The following CRNKL1 variants were observed in gnomAD, a reference collection of about 807,000 sequenced individuals.
CRNKL1 encodes crooked neck-like protein 1.
A neutral mutation model predicts 103.7 loss-of-function variants in CRNKL1; 35 were observed. The ratio of observed to expected loss-of-function variants is 0.34; its 90% CI spans 0.26 to 0.45. The LOEUF (loss-of-function observed/expected upper bound fraction) is 0.45, where lower values mean the gene tolerates loss of function less well. CRNKL1 is among the 20% of genes least tolerant of loss of function. The pLI is 1.00. For missense variants in CRNKL1, 645 were observed against 836.0 expected (o/e 0.77, Z 2.82); for synonymous variants, 267 against 282.6 (o/e 0.94, Z 0.55).
At chr20:20,051,357 T>G (rs1280069114) in intron 1 of CRNKL1, among the ~76,000 whole-genome samples, 1 of 152,246 alleles carries the variant, frequency 6.6e-6, no homozygotes, top group African/African-American at 2.4e-5. Flanking sequence ...TAATTTCACT[T>G]TTTTGCTTTG....
At chr20:20,056,020 A>C, upstream of CRNKL1, 1 of 1,602,102 alleles carries the variant, frequency 6.2e-7, no homozygotes, top group Non-Finnish European at 8.5e-7. Context: ...GTCATTAGAG[A>C]TTCTCTTCCC....
At chr20:20,050,421 C>G in intron 2 of CRNKL1, 49 bp downstream of exon 2, 1 of 1,551,600 alleles carries the variant, frequency 6.4e-7, no homozygotes, top group Non-Finnish European at 8.8e-7. Context: ...TCAAACTGAC[C>G]GATACAGTCT....
At position 20,038,380 on chromosome 20, in the gene CRNKL1, C is replaced by T. The variant is rs1238536285; in HGVS notation, c.1616G>A (p.Arg539Gln). 6.4e-6 allele frequency: 10 copies of T among 1,552,220 alleles called. No individual in the cohort carries two copies. The highest frequency in any genetic ancestry group is 1.4e-5 in the African/African-American group (1 of 73,072). Residue 539 changes from arginine to glutamine, a missense_variant, in exon 12 of 14, where the codon CGG (arginine) becomes CAG (glutamine). Arg to Gln is a conservative substitution (Grantham distance 43, BLOSUM62 1). Transcript: ENST00000536226. ...EETERTRNLY[R>Q]RLLQRTQHVK... ...ATGCTGCGTCCGTTGAAGCAACCGC[C>T]GGTAAAGGTTTCGTGTTCTTTCTGT...
intron 6 of CRNKL1, among the ~76,000 whole-genome samples, chr20:20,044,712 T>C (rs1329820753): frequency 6.6e-6 from 1 of 152,134 alleles, no homozygotes; most frequent in Non-Finnish European, 1.5e-5. Context: ...CTCAAACTCC[T>C]AGGCTCAAGT....
At chr20:20,052,511 G>T, upstream of CRNKL1, 2 of 1,614,230 alleles carry the variant, frequency 1.2e-6, no homozygotes, top group South Asian at 1.1e-5. Context: ...TGACGGAGGC[G>T]GCACCGTTTC....
intron 11 of CRNKL1, among the ~76,000 whole-genome samples, chr20:20,039,395 C>T (rs949770903): frequency 2.0e-5 from 3 of 152,202 alleles, no homozygotes; most frequent in Non-Finnish European, 4.4e-5. Context: ...TCCTGGGCAT[C>T]ATCCTGGATG....
rs535657393 is a variant in CRNKL1, at chr20:20,037,643, C to T, written c.1648-72G>A. ...AGATAATAATGTAGTAATAATAAAG[C>T]GAATTCCCAGTTAATGACATCGGAA... On this transcript the variant is annotated intron_variant, in intron 12 of 13. Transcript: ENST00000536226. 5.1e-5 allele frequency: 74 copies of T among 1,453,210 alleles called. No individual in the cohort carries two copies. The Middle Eastern group carries it at 8.0e-4, about 16-fold the overall frequency. The allele number at this position is 1,453,210 out of a possible 1,614,324, so 90.0% of individuals were successfully genotyped here. A position where few individuals can be genotyped will look rare whatever the true frequency, so the allele number is the denominator to read the frequency against.
chr20:20,055,443 G>A (rs1165308591), upstream of CRNKL1, among the ~76,000 whole-genome samples: 2 of 152,082 alleles, frequency 1.3e-5, no homozygotes, highest in Non-Finnish European at 2.9e-5. Flanking sequence ...TTACCGAGGG[G>A]CCCATCCAAA....
At chr20:20,036,649 C>T (rs2043422794) in intron 13 of CRNKL1, among the ~76,000 whole-genome samples, 1 of 152,240 alleles carries the variant, frequency 6.6e-6, no homozygotes, top group Non-Finnish European at 1.5e-5. Context: ...TGCAGTCTTA[C>T]ACTTAAGAAA....
At chr20:20,055,374 T>C (rs1438788779), upstream of CRNKL1, among the ~76,000 whole-genome samples, 1 of 152,204 alleles carries the variant, frequency 6.6e-6, no homozygotes, top group African/African-American at 2.4e-5. Flanking sequence ...TAGAGCTTTG[T>C]GTAGAGAAAG....
chr20:20,049,257 G>A (rs1255894334), intron 3 of CRNKL1, 83 bp downstream of exon 3: 31 of 829,422 alleles, frequency 3.7e-5, no homozygotes, highest in Non-Finnish European at 5.7e-5. Context: ...TTTTACCTGT[G>A]CTTTAACTTT....
chr20:20,039,819 G>A lies in CRNKL1; in HGVS notation c.1335C>T (p.Asn445=). The change falls in exon 11 of 14, where the codon AAC becomes AAT. Residue 445 remains asparagine (N), a synonymous_variant. Transcript: ENST00000536226. ...LGTSIGKCPK[N]KLFKVYIELE... ...ATTCTATGTAAACTTTAAATAATTT[G>A]TTCTTTGGACATTTGCCTATGGAAG... 1 of 1,613,866 alleles carries A rather than the reference G, an allele frequency of 6.2e-7. No homozygotes were observed. Among genetic ancestry groups the A allele is most frequent in the African/African-American group, 1.3e-5 (1 of 75,010 alleles).
chr20:20,048,073 C>A, intron 4 of CRNKL1, 142 bp from the exon 5 acceptor site: 7 of 1,157,276 alleles, frequency 6.0e-6, no homozygotes, highest in Non-Finnish European at 8.4e-6. Context: ...AAAGGATGAA[C>A]CATTGGAAAA....
At chr20:20,041,491 T>G in intron 9 of CRNKL1, 75 bp downstream of exon 9, 1 of 1,147,760 alleles carries the variant, frequency 8.7e-7, no homozygotes, top group Non-Finnish European at 1.3e-6. Context: ...TCAATATTAT[T>G]TCACTGAATT....
At chr20:20,049,298 T>C (rs748236171) in intron 3 of CRNKL1, 42 bp downstream of exon 3, 12 of 1,058,638 alleles carry the variant, frequency 1.1e-5, no homozygotes, top group Non-Finnish European at 1.7e-5. Context: ...TCTGTTAATC[T>C]ATGAATCATT....
In CRNKL1 at chr20:20,036,082, A is replaced by T; in HGVS notation, c.*113T>A. ...AAAAATAACTTAAAAAGTAGCCATCAAAGATACCAATCAATTTCTTACTGG... is the reference window on the plus strand; with the variant it reads ...AAAAATAACTTAAAAAGTAGCCATCTAAGATACCAATCAATTTCTTACTGG... On this transcript the variant is annotated 3_prime_UTR_variant, in exon 14 of 14. Coordinates refer to ENST00000536226, the MANE Select transcript of CRNKL1 (RefSeq NM_001278628.2). The T allele has an allele frequency of 1.8e-6, 2 of 1,108,614 alleles. No individual in the cohort carries two copies. Among genetic ancestry groups the T allele is most frequent in the Non-Finnish European group, 2.5e-6 (2 of 789,446 alleles). The allele number at this position is 1,108,614 out of a possible 1,614,324, so 68.7% of individuals were successfully genotyped here.
intron 6 of CRNKL1, 69 bp from the exon 7 acceptor site, chr20:20,043,731 A>C: frequency 3.6e-6 from 5 of 1,379,124 alleles, no homozygotes; most frequent in Non-Finnish European, 1.0e-6. Flanking sequence ...TAGGAGAGTA[A>C]ATATAACAAA....
intron 5 of CRNKL1, 145 bp downstream of exon 5, chr20:20,047,620 A>T (rs915165977): frequency 5.6e-6 from 4 of 709,314 alleles, no homozygotes; most frequent in Non-Finnish European, 8.5e-6. Flanking sequence ...TTTCCCTACA[A>T]AACATAGGGA....
chr20:20,042,610 C>T, intron 7 of CRNKL1, 94 bp from the exon 8 acceptor site: 1 of 1,183,590 alleles, frequency 8.4e-7, no homozygotes, highest in South Asian at 1.5e-5. Flanking sequence ...GGCTGACTTT[C>T]TATATTTTAG....
Sources: allele counts gnomAD v4.1 joint callset (sites outside exome capture counted in the v4.1 genomes callset), GRCh38; gene constraint gnomAD v4.1.1; transcripts MANE v1.5; gene names NCBI Gene and HGNC (gene_info 2026-07-23, HGNC 2026-07-21).